Variants in RAC2 observed in about 807,000 individuals in gnomAD.
RAC2 encodes the protein ras-related C3 botulinum toxin substrate 2.
A neutral mutation model predicts 24.0 loss-of-function variants in RAC2; 1 was observed. That is an observed-to-expected ratio of 0.04 (90% CI 0.01 to 0.20). The LOEUF is 0.20. RAC2 is among the 10% of genes least tolerant of loss of function. RAC2 has a pLI of 1.00. For synonymous variants in RAC2, 114 were observed against 106.8 expected (o/e 1.07, Z -0.41); for missense variants, 130 against 259.1 (o/e 0.50, Z 3.42).
At chr22:37,238,263 G>T (rs1927293097) in intron 2 of RAC2, among the ~76,000 whole-genome samples, 2 of 152,044 alleles carry the variant, frequency 1.3e-5, no homozygotes, top group Admixed American at 6.5e-5. Context: ...TTGAGACAGG[G>T]TCTCACTTTG....
chr22:37,242,551 G>A (rs533402765), intron 1 of RAC2, among the ~76,000 whole-genome samples: 31 of 152,256 alleles, frequency 2.0e-4, no homozygotes, highest in African/African-American at 7.5e-4. Context: ...CCTGCCCTGC[G>A]TGGTTTTGTC....
At chr22:37,240,818 G>A (rs1927364644) in intron 2 of RAC2, 1 of 574,574 alleles carries the variant, frequency 1.7e-6, no homozygotes, top group African/African-American at 1.9e-5. Context: ...GATGTGGGGA[G>A]AAAAAGCACT....
Position 37,231,777 on chromosome 22 carries a change from C to T in RAC2, c.288+155G>A, listed in dbSNP as rs373298215. On this transcript the variant is annotated intron_variant, in intron 4 of 6. Transcript: ENST00000249071. The surrounding 1 kb of genome is among the most constrained non-coding windows in gnomAD (Gnocchi z 5.5). ...ACCCCAGGTCCTCTGAATCTTACCC[C>T]CTCAAGTCCCTCTGCCAGCCCTGGT... Among the ~76,000 whole-genome samples, 1 of 152,104 alleles carries T rather than the reference C, an allele frequency of 6.6e-6. No individual in the cohort carries two copies. Among genetic ancestry groups the T allele is most frequent in the East Asian group, 1.9e-4 (1 of 5,170 alleles).
intron 2 of RAC2, among the ~76,000 whole-genome samples, chr22:37,239,476 T>A (rs1927327727): frequency 6.6e-6 from 1 of 152,028 alleles, no homozygotes; most frequent in Admixed American, 6.5e-5. Context: ...CCAGCTTCTG[T>A]GATGTTGTCC....
Position 37,244,194 on chromosome 22 carries a change from G to C in RAC2, c.-46C>G. On this transcript the variant is annotated 5_prime_UTR_variant, in exon 1 of 7. Coordinates refer to ENST00000249071, the MANE Select transcript of RAC2 (RefSeq NM_002872.5). ...TGTCGGTGGTGACAGCTCAGGGCCA[G>C]GCGCGTTTCTGCGGGCGCAAGGGGT... The C allele has an allele frequency of 6.2e-7, 1 of 1,610,072 alleles. No homozygotes were observed. The highest frequency in any genetic ancestry group is 8.5e-7 in the Non-Finnish European group (1 of 1,178,188).
At position 37,240,141 on chromosome 22, in the gene RAC2, C is replaced by T. The variant is rs560799783; in HGVS notation, c.107+1446G>A. 2.0e-5 allele frequency among the ~76,000 whole-genome samples: 3 copies of T among 152,282 alleles called. No individual in the cohort carries two copies. In the South Asian group the frequency reaches 6.2e-4, roughly 32 times the overall value. Reference sequence around the variant, plus strand: ...AGAGACAGCAGCAGAGAGAGCCCAGCCCACCCAAGTCTGGGGTTGGGGGTT... The same window carrying T: ...AGAGACAGCAGCAGAGAGAGCCCAGTCCACCCAAGTCTGGGGTTGGGGGTT... On this transcript the variant is annotated intron_variant, in intron 2 of 6. Coordinates refer to ENST00000249071, the MANE Select transcript of RAC2 (RefSeq NM_002872.5).
In RAC2 at chr22:37,244,247, G is replaced by A. The variant is rs1342214627; in HGVS notation, c.-99C>T. 1.5e-6 allele frequency: 2 copies of A among 1,368,326 alleles called. No homozygotes were observed. Among genetic ancestry groups the A allele is most frequent in the Non-Finnish European group, 2.0e-6 (2 of 977,094 alleles). The allele number at this position is 1,368,326 out of a possible 1,614,324, so 84.8% of individuals were successfully genotyped here. A position where few individuals can be genotyped will look rare whatever the true frequency, so the allele number is the denominator to read the frequency against. The stretch of plus-strand genomic sequence containing the variant: ...GGAGGCTGGTGAGGCGCCTGCTGAG[G>A]AGCAGCGGTGGTGGGGCAGGAGGAA... On this transcript the variant is annotated 5_prime_UTR_variant, in exon 1 of 7. Coordinates refer to ENST00000249071, the MANE Select transcript of RAC2 (RefSeq NM_002872.5).
chr22:37,229,600 T>C (rs1366009314), intron 5 of RAC2, among the ~76,000 whole-genome samples: 1 of 152,116 alleles, frequency 6.6e-6, no homozygotes, highest in Admixed American at 6.5e-5. Context: ...GCAGAGGCAG[T>C]TGCTGCTTCC....
intron 5 of RAC2, among the ~76,000 whole-genome samples, chr22:37,230,556 C>G (rs1365122679): frequency 6.6e-6 from 1 of 152,128 alleles, no homozygotes; most frequent in Non-Finnish European, 1.5e-5. Context: ...AAGAAGCACC[C>G]CCCAGCAGTG....
rs374948316 is a variant in RAC2 at position 37,227,854 on chromosome 22, G to C, written c.449-1051C>G. 2.0e-5 allele frequency among the ~76,000 whole-genome samples: 3 copies of C among 152,122 alleles called. No homozygotes were observed. The East Asian group carries it at 5.8e-4, about 29-fold the overall frequency. ...CTGTAATAGCGAGCGTGAACTCAGT[G>C]AGAGACTAAGGCCTCCAGGGCAGGT... On this transcript the variant is annotated intron_variant, in intron 5 of 6. Transcript: ENST00000249071.
At chr22:37,241,968 C>G (rs891909728) in intron 1 of RAC2, among the ~76,000 whole-genome samples, 6 of 152,212 alleles carry the variant, frequency 3.9e-5, no homozygotes, top group African/African-American at 1.4e-4. Flanking sequence ...CAGAGGGTGC[C>G]CAGCAGACCC....
rs956479102 is a variant in RAC2 at position 37,231,562 on chromosome 22, G to A, written c.289-172C>T. ...GAGAGACGTGAGGTGGCACAGGGAG[G>A]GGAGGCCACGACGTTGTGCAGGAAG... On this transcript the variant is annotated intron_variant, in intron 4 of 6. Transcript: ENST00000249071. This position sits in a 1 kb window ranked among gnomAD's most constrained non-coding sequence, Gnocchi z 5.5. 3 of 645,154 alleles carry A rather than the reference G, an allele frequency of 4.7e-6. No individual in the cohort carries two copies. The highest frequency in any genetic ancestry group is 8.1e-6 in the Non-Finnish European group (3 of 369,224). 40.0% of individuals were successfully genotyped at this position (645,154 alleles called of 1,614,324 possible). A position where few individuals can be genotyped will look rare whatever the true frequency, so the allele number is the denominator to read the frequency against.
intron 5 of RAC2, among the ~76,000 whole-genome samples, chr22:37,227,940 T>C (rs1236188994): frequency 1.3e-5 from 2 of 152,156 alleles, no homozygotes; most frequent in African/African-American, 4.8e-5. Context: ...ATTTTGATGC[T>C]TTTCTGTGAA....
intron 2 of RAC2, among the ~76,000 whole-genome samples, chr22:37,237,733 A>T (rs55947113): frequency 6.6e-6 from 1 of 152,124 alleles, no homozygotes; most frequent in Non-Finnish European, 1.5e-5. Context: ...GGAGGCAGTC[A>T]TGACGGAGCA....
Position 37,226,810 on chromosome 22 carries a change from G to C in RAC2, c.449-7C>G, listed in dbSNP as rs1364942424. The C allele has an allele frequency of 3.7e-6, 6 of 1,612,180 alleles. No individual in the cohort carries two copies. The highest frequency in any genetic ancestry group is 4.2e-6 in the Non-Finnish European group (5 of 1,179,318). ...TCCAGGTATTTCACCGAGTCTGGTT[G>C]GGGAGATGGACAGGAGAGCCAAGGC... On this transcript the variant is annotated splice_region_variant and splice_polypyrimidine_tract_variant and intron_variant, in intron 5 of 6. Coordinates refer to ENST00000249071, the MANE Select transcript of RAC2 (RefSeq NM_002872.5).
chr22:37,237,759 G>A (rs569972703), intron 2 of RAC2, among the ~76,000 whole-genome samples: 1 of 152,290 alleles, frequency 6.6e-6, no homozygotes, highest in Admixed American at 6.5e-5. Context: ...AATGGGCTCA[G>A]CTCTGTTCTA....
chr22:37,231,753 C>A lies in RAC2; in HGVS notation c.288+179G>T, dbSNP rs1927069864. 6.6e-6 allele frequency among the ~76,000 whole-genome samples: 1 copy of A among 151,982 alleles called. No individual in the cohort carries two copies. Among genetic ancestry groups the A allele is most frequent in the Non-Finnish European group, 1.5e-5 (1 of 67,990 alleles). ...TAGCTAACTATCGCAGCACCCCCCA[C>A]CCCAGGTCCTCTGAATCTTACCCCC... is the stretch of plus-strand genomic sequence containing the variant. On this transcript the variant is annotated intron_variant, in intron 4 of 6. Coordinates refer to ENST00000249071, the MANE Select transcript of RAC2 (RefSeq NM_002872.5). This position sits in a 1 kb window ranked among gnomAD's most constrained non-coding sequence, Gnocchi z 5.5.
intron 2 of RAC2, among the ~76,000 whole-genome samples, chr22:37,241,326 C>T (rs1253740167): frequency 6.6e-6 from 1 of 152,236 alleles, no homozygotes; most frequent in Non-Finnish European, 1.5e-5. Flanking sequence ...CCTCCACGTC[C>T]CTTTGCTTGG....
At chr22:37,230,377 A>C (rs1381461544) in intron 5 of RAC2, among the ~76,000 whole-genome samples, 1 of 151,924 alleles carries the variant, frequency 6.6e-6, no homozygotes, top group Non-Finnish European at 1.5e-5. Flanking sequence ...AGCTCATATG[A>C]CCAAACCCAG....
Sources: gnomAD v4.1 joint callset for allele counts (sites outside exome capture counted in the v4.1 genomes callset) on GRCh38, gnomAD v4.1.1 for gene constraint, Gnocchi (gnomAD v3.1) non-coding constraint, MANE v1.5 for transcripts, NCBI Gene and HGNC (gene_info 2026-07-23, HGNC 2026-07-21) for gene names.